The following CCDC171 variants were observed in gnomAD, a reference collection of about 807,000 sequenced individuals.
CCDC171 encodes coiled-coil domain containing 171.
CCDC171 carries 177 observed loss-of-function variants against 168.2 expected under a neutral mutation model. The ratio of observed to expected loss-of-function variants is 1.05; its 90% CI spans 0.93 to 1.19. The LOEUF is 1.19. Among genes scored for constraint, CCDC171 ranks in the 50% most tolerant of loss-of-function variants. The probability of loss-of-function intolerance (pLI) is 0.00; values close to 1 mark genes in which losing one functional copy is unlikely to be tolerated. For missense variants in CCDC171, 1,991 were observed against 1,539.0 expected, an observed-to-expected ratio of 1.29 and a Z score of -4.91; for synonymous variants, 687 against 540.8, an observed-to-expected ratio of 1.27 and a Z score of -3.75.
intron 4 of CCDC171, among the ~76,000 whole-genome samples, chr9:15,585,830 G>T (rs1013438868): frequency 6.6e-6 from 1 of 151,970 alleles, no homozygotes; most frequent in Non-Finnish European, 1.5e-5. Context: ...ACAAAAACTA[G>T]CCAGGCATGG....
At chr9:16,049,776 A>G (rs778870664) in intron 1 of CCDC171, among the ~76,000 whole-genome samples, 20 of 152,192 alleles carry the variant, frequency 1.3e-4, no homozygotes, top group Non-Finnish European at 2.2e-4. Flanking sequence ...CAATTCCCCA[A>G]TAAATCCCCT....
At position 15,891,809 on chromosome 9, in the gene CCDC171, A is replaced by C. The variant is rs1045016241; in HGVS notation, c.3600+17146A>C. ...GATGACAGAGAATGAACGAGCATGC[A>C]GGGAGGATGAATTAAAAAGAAAGAA... On this transcript the variant is annotated intron_variant, in intron 24 of 25. Coordinates refer to ENST00000380701, the MANE Select transcript of CCDC171 (RefSeq NM_173550.4). 6.6e-5 allele frequency among the ~76,000 whole-genome samples: 10 copies of C among 152,272 alleles called. No homozygotes were observed. The East Asian group carries it at 1.4e-3, about 21-fold the overall frequency.
chr9:16,054,191 G>A (rs763939055), intron 1 of CCDC171, among the ~76,000 whole-genome samples: 18 of 152,330 alleles, frequency 1.2e-4, no homozygotes, highest in South Asian at 2.1e-4. Flanking sequence ...CAGAGGGAGC[G>A]AAGGGAGTTG....
intron 25 of CCDC171, among the ~76,000 whole-genome samples, chr9:15,966,494 C>T (rs1278766866): frequency 1.3e-5 from 2 of 152,170 alleles, no homozygotes; most frequent in African/African-American, 2.4e-5. Context: ...CCACATCAAA[C>T]GAGTAGCCAA....
intron 24 of CCDC171, among the ~76,000 whole-genome samples, chr9:15,876,280 A>G (rs1817834790): frequency 1.3e-5 from 2 of 152,148 alleles, no homozygotes; most frequent in South Asian, 4.1e-4. Flanking sequence ...GTTTAGTAGT[A>G]TACATCATAG....
At chr9:15,679,210 G>T (rs977634905) in intron 10 of CCDC171, among the ~76,000 whole-genome samples, 2 of 152,044 alleles carry the variant, frequency 1.3e-5, no homozygotes, top group Non-Finnish European at 2.9e-5. Context: ...GGTGATTAGG[G>T]TTTGTAATTA....
At chr9:15,754,270 C>A (rs1037753766) in intron 18 of CCDC171, among the ~76,000 whole-genome samples, 3 of 152,046 alleles carry the variant, frequency 2.0e-5, no homozygotes, top group Admixed American at 6.6e-5. Context: ...GATTTTGTAT[C>A]CAAATGTAGT....
intron 24 of CCDC171, chr9:15,886,645 T>A (rs993759841): frequency 6.6e-6 from 1 of 152,074 alleles, no homozygotes; most frequent in African/African-American, 2.4e-5. Context: ...AACCGTTGTC[T>A]TGAAGACATG....
At chr9:15,625,493 A>G (rs1357552009) in intron 7 of CCDC171, among the ~76,000 whole-genome samples, 1 of 152,148 alleles carries the variant, frequency 6.6e-6, no homozygotes, top group Non-Finnish European at 1.5e-5. Flanking sequence ...TAATTTTTGT[A>G]TAAGGTGTAA....
intron 7 of CCDC171, among the ~76,000 whole-genome samples, chr9:15,646,201 A>G (rs2047021512): frequency 6.6e-6 from 1 of 152,194 alleles, no homozygotes; most frequent in South Asian, 2.1e-4. Context: ...AAATGCTGAG[A>G]GATTTTGTCA....
intron 25 of CCDC171, among the ~76,000 whole-genome samples, chr9:15,931,958 A>T (rs1469476139): frequency 6.6e-6 from 1 of 151,722 alleles, no homozygotes. Flanking sequence ...GCATTGGTTT[A>T]TGTGTCTGTT....
chr9:15,838,515 C>A (rs954121938), intron 21 of CCDC171, among the ~76,000 whole-genome samples: 2 of 152,158 alleles, frequency 1.3e-5, no homozygotes, highest in African/African-American at 4.8e-5. Context: ...GTATATTTAG[C>A]CAAAGAACCC....
intron 16 of CCDC171, among the ~76,000 whole-genome samples, chr9:15,730,983 A>G (rs554865557): frequency 6.6e-6 from 1 of 152,034 alleles, no homozygotes; most frequent in Non-Finnish European, 1.5e-5. Flanking sequence ...GGTACATGTG[A>G]TATTTTGATA....
chr9:15,947,607 C>G (rs73411550), intron 25 of CCDC171, among the ~76,000 whole-genome samples: 2,072 of 152,064 alleles, frequency 0.014, 61 homozygotes, highest in African/African-American at 0.048. Context: ...ATTCAGTCAT[C>G]CATTGATGGA....
At chr9:15,768,029 C>G (rs991455580) in intron 18 of CCDC171, among the ~76,000 whole-genome samples, 3 of 150,196 alleles carry the variant, frequency 2.0e-5, no homozygotes, top group Admixed American at 6.6e-5. Flanking sequence ...GCCACTGCGC[C>G]CAGCCACTTA....
chr9:15,769,377 G>T (rs528961662), intron 18 of CCDC171, among the ~76,000 whole-genome samples: 155 of 152,226 alleles, frequency 1.0e-3, no homozygotes, highest in African/African-American at 3.5e-3. Flanking sequence ...GGGGTTCATA[G>T]ACCTCTTCTC....
At chr9:16,059,176 T>C (rs1212180192) in intron 1 of CCDC171, among the ~76,000 whole-genome samples, 1 of 152,220 alleles carries the variant, frequency 6.6e-6, no homozygotes, top group Non-Finnish European at 1.5e-5. Flanking sequence ...ACAGCTGCCA[T>C]TTCCCTACCA....
At chr9:15,826,583 T>C (rs891387428) in intron 21 of CCDC171, among the ~76,000 whole-genome samples, 1 of 152,206 alleles carries the variant, frequency 6.6e-6, no homozygotes, top group Non-Finnish European at 1.5e-5. Context: ...GCCATCATTC[T>C]CTGGGAAAGC....
intron 24 of CCDC171, among the ~76,000 whole-genome samples, chr9:15,904,417 A>C (rs1159196813): frequency 1.3e-5 from 2 of 152,138 alleles, no homozygotes; most frequent in Admixed American, 6.6e-5. Flanking sequence ...TTATCCAGCC[A>C]AACTAAGCTT....
Sources: gnomAD v4.1 joint callset for allele counts (sites outside exome capture counted in the v4.1 genomes callset) on GRCh38, gnomAD v4.1.1 for gene constraint, MANE v1.5 for transcripts, NCBI Gene and HGNC (gene_info 2026-07-23, HGNC 2026-07-21) for gene names.